Variants in N4BP2L2 observed in about 807,000 individuals in gnomAD.
The protein encoded by N4BP2L2 is NEDD4 binding protein 2 like 2.
Under a neutral mutation model 56.2 loss-of-function variants are expected in N4BP2L2, and 50 were observed. That is an observed-to-expected ratio of 0.89 (90% CI 0.71 to 1.13). The LOEUF (loss-of-function observed/expected upper bound fraction) is 1.13, where lower values mean the gene tolerates loss of function less well. Among genes scored for constraint, N4BP2L2 ranks in the 50% most tolerant of loss-of-function variants. The probability of loss-of-function intolerance (pLI) is 0.00; values close to 1 mark genes in which losing one functional copy is unlikely to be tolerated. For synonymous variants in N4BP2L2, 203 were observed against 223.6 expected (o/e 0.91, Z 0.82); for missense variants, 689 against 693.8 (o/e 0.99, Z 0.08).
chr13:32,433,291 C>T (rs1013161281), intron 9 of N4BP2L2, among the ~76,000 whole-genome samples: 1 of 152,200 alleles, frequency 6.6e-6, no homozygotes. Context: ...CCAATATGTT[C>T]CTCTCCTAAA....
chr13:32,432,801 G>A (rs2074999797), exon 10 of N4BP2L2: 1 of 152,114 alleles, frequency 6.6e-6, no homozygotes, highest in South Asian at 2.1e-4. Context: ...CCTCTGTTGA[G>A]TTTTTTTATT....
intron 8 of N4BP2L2, among the ~76,000 whole-genome samples, chr13:32,438,486 C>T (rs985467253): frequency 1.3e-5 from 2 of 152,138 alleles, no homozygotes; most frequent in African/African-American, 4.8e-5. Context: ...GTAATCCCAG[C>T]TACTAGGGAG....
intron 6 of N4BP2L2, among the ~76,000 whole-genome samples, chr13:32,459,706 ACAT>A (rs1482666374): frequency 6.6e-6 from 1 of 152,132 alleles, no homozygotes; most frequent in African/African-American, 2.4e-5. Flanking sequence ...CTTATAACGA[ACAT>A]CCTATGCTCA....
intron 2 of N4BP2L2, among the ~76,000 whole-genome samples, chr13:32,531,300 C>T (rs1323122700): frequency 6.6e-6 from 1 of 152,142 alleles, no homozygotes; most frequent in African/African-American, 2.4e-5. Context: ...TGTTATACAG[C>T]CTTGAGTAAT....
intron 3 of N4BP2L2, chr13:32,524,356 T>C (rs1035278376): frequency 6.6e-6 from 1 of 152,232 alleles, no homozygotes; most frequent in Admixed American, 6.5e-5. Flanking sequence ...ATTGATCAAA[T>C]AAATTTCTGA....
chr13:32,442,708 G>T lies in N4BP2L2; in HGVS notation c.1784C>A (p.Ser595Tyr), dbSNP rs762763202. 3.7e-6 allele frequency: 6 copies of T among 1,613,624 alleles called. No homozygotes were observed. The South Asian group carries it at 6.6e-5, about 18-fold the overall frequency. ...CAAAAACAGTTTCTTGTTTGTAAAA[G>T]ATGGCTTCCAAATACTAGATAAATT... is the stretch of plus-strand genomic sequence containing the variant. Residue 595 changes from serine to tyrosine, a missense_variant, in exon 7 of 10, where the codon TCT (serine) becomes TAT (tyrosine). By Grantham distance (144) the Ser-to-Tyr change is moderately radical (BLOSUM62 -2). Coordinates refer to the N4BP2L2 transcript ENST00000357505.
At chr13:32,531,808 G>A (rs1038623399) in intron 2 of N4BP2L2, among the ~76,000 whole-genome samples, 1 of 152,210 alleles carries the variant, frequency 6.6e-6, no homozygotes, top group Non-Finnish European at 1.5e-5. Flanking sequence ...CTGAAGGTCA[G>A]TAGTCCAAAA....
chr13:32,440,518 G>C (rs1038930601), intron 7 of N4BP2L2, among the ~76,000 whole-genome samples: 1 of 152,214 alleles, frequency 6.6e-6, no homozygotes, highest in East Asian at 1.9e-4. Context: ...CCAGGCTGGA[G>C]TGCAGTGGCG....
intron 6 of N4BP2L2, among the ~76,000 whole-genome samples, chr13:32,449,731 TAAC>T (rs2077597045): frequency 6.6e-6 from 1 of 152,168 alleles, no homozygotes; most frequent in Non-Finnish European, 1.5e-5. Flanking sequence ...TATTATGTAT[TAAC>T]AACAACAAAA....
At chr13:32,436,606 A>G (rs2075504204) in intron 8 of N4BP2L2, among the ~76,000 whole-genome samples, 1 of 151,904 alleles carries the variant, frequency 6.6e-6, no homozygotes, top group Non-Finnish European at 1.5e-5. Context: ...CGTGGCCAAC[A>G]TGGCAAAACC....
intron 5 of N4BP2L2, among the ~76,000 whole-genome samples, chr13:32,518,718 CTG>C (rs1351905263): frequency 6.6e-6 from 1 of 152,070 alleles, no homozygotes; most frequent in Non-Finnish European, 1.5e-5. Flanking sequence ...TAAAAGGTAA[CTG>C]TGACTGGGAA....
At chr13:32,438,493 G>A (rs1020045366) in intron 8 of N4BP2L2, among the ~76,000 whole-genome samples, 2 of 152,134 alleles carry the variant, frequency 1.3e-5, no homozygotes, top group African/African-American at 2.4e-5. Flanking sequence ...CAGCTACTAG[G>A]GAGGCTGAGG....
At chr13:32,478,919 C>T (rs2083950801) in intron 6 of N4BP2L2, 1 of 152,156 alleles carries the variant, frequency 6.6e-6, no homozygotes, top group African/African-American at 2.4e-5. Context: ...CACCTGAGGT[C>T]AGGAGTTTGA....
At chr13:32,504,949 G>C (rs982083240) in intron 6 of N4BP2L2, 1 of 152,238 alleles carries the variant, frequency 6.6e-6, no homozygotes, top group Non-Finnish European at 1.5e-5. Context: ...AATCCCATTA[G>C]ATTTTAAGGC....
At chr13:32,446,879 T>C (rs1259009042) in intron 6 of N4BP2L2, among the ~76,000 whole-genome samples, 1 of 152,230 alleles carries the variant, frequency 6.6e-6, no homozygotes, top group East Asian at 1.9e-4. Flanking sequence ...GGGCAAAGGC[T>C]AGTTTTAACC....
At chr13:32,499,656 C>A (rs562536106) in intron 6 of N4BP2L2, among the ~76,000 whole-genome samples, 1 of 152,136 alleles carries the variant, frequency 6.6e-6, no homozygotes, top group Admixed American at 6.5e-5. Context: ...CTGCTCTATA[C>A]CTTGGCTAAG....
intron 9 of N4BP2L2, among the ~76,000 whole-genome samples, chr13:32,435,588 A>G (rs1401274925): frequency 6.6e-6 from 1 of 151,926 alleles, no homozygotes; most frequent in Non-Finnish European, 1.5e-5. Context: ...GGAATTCCTC[A>G]TTGTCTCTCA....
chr13:32,438,756 C>A, intron 7 of N4BP2L2: 1 of 1,550,974 alleles, frequency 6.4e-7, no homozygotes, highest in African/African-American at 1.4e-5. Flanking sequence ...GAAAGAAAGA[C>A]CTAATCTCAT....
exon 6 of N4BP2L2, chr13:32,517,417 G>A (rs2049472761): frequency 6.0e-6 from 6 of 998,322 alleles, no homozygotes; most frequent in Non-Finnish European, 7.2e-6. Context: ...TTAAGGTAGT[G>A]AAGGAAAAAC....
Sources: allele counts gnomAD v4.1 joint callset (sites outside exome capture counted in the v4.1 genomes callset), GRCh38; gene constraint gnomAD v4.1.1; transcripts MANE v1.5; gene names NCBI Gene and HGNC (gene_info 2026-07-23, HGNC 2026-07-21).